Variants in BMPR2 observed in about 807,000 individuals in gnomAD.
BMPR2 encodes the protein bone morphogenetic protein receptor type-2.
In BMPR2, 29 loss-of-function variants were observed where a neutral mutation model predicts 100.8. The observed-to-expected ratio is 0.29, with a 90% CI of 0.21 to 0.39. The LOEUF is 0.39. BMPR2 is among the 10% of genes least tolerant of loss of function. The pLI is 1.00. For missense variants in BMPR2, 1,011 were observed against 1,274.5 expected (o/e 0.79, Z 3.15); for synonymous variants, 382 against 442.3 (o/e 0.86, Z 1.71).
intron 12 of BMPR2, among the ~76,000 whole-genome samples, chr2:202,557,745 G>T (rs925634954): frequency 6.6e-6 from 1 of 152,074 alleles, no homozygotes; most frequent in African/African-American, 2.4e-5. Flanking sequence ...TAATATTTTT[G>T]TCATTGATAA....
chr2:202,380,911 G>GCCTGGC lies in BMPR2; in HGVS notation c.76+3397_76+3402dup, dbSNP rs57602681. On this transcript the variant is annotated intron_variant, in intron 1 of 12. Transcript: ENST00000374580. Reference sequence around the variant, plus strand: ...TGGGATTATAGGTGTGGGCCACTGTGCCTGGCCCTGGCCCTGGCCCTGGCC... The same window carrying GCCTGGC: ...TGGGATTATAGGTGTGGGCCACTGTGCCTGGCCCTGGCCCTGGCCCTGGCCCTGGCC... 6.9e-3 allele frequency among the ~76,000 whole-genome samples: 970 copies of GCCTGGC among 140,836 alleles called. 13 individuals carry two copies. Among genetic ancestry groups the GCCTGGC allele is most frequent in the African/African-American group, 0.019 (691 of 36,924 alleles). 92.4% of individuals were successfully genotyped at this position (140,836 alleles called of 152,430 possible). A position where few individuals can be genotyped will look rare whatever the true frequency, so the allele number is the denominator to read the frequency against.
rs1357048798 is a variant in BMPR2 at position 202,458,159 on chromosome 2, T to A, written c.77-6650T>A. On this transcript the variant is annotated intron_variant, in intron 1 of 12. Coordinates refer to ENST00000374580, the MANE Select transcript of BMPR2 (RefSeq NM_001204.7). ...TGCCATATATATAATATTTAAAAAA[T>A]TTTTGAGCCAGGTACTGTGGCTCAC... 3.3e-5 allele frequency among the ~76,000 whole-genome samples: 5 copies of A among 151,572 alleles called. No homozygotes were observed. In the South Asian group the frequency reaches 6.2e-4, roughly 19 times the overall value.
At chr2:202,381,501 C>T (rs1463306826) in intron 1 of BMPR2, among the ~76,000 whole-genome samples, 1 of 152,202 alleles carries the variant, frequency 6.6e-6, no homozygotes, top group Admixed American at 6.5e-5. Context: ...AGACTCTGCT[C>T]TCCTAACATC....
intron 7 of BMPR2, among the ~76,000 whole-genome samples, chr2:202,521,462 G>A (rs1232714595): frequency 1.3e-5 from 2 of 152,058 alleles, no homozygotes; most frequent in Non-Finnish European, 2.9e-5. Context: ...AGCTACTTGG[G>A]AGGCTGAGCT....
chr2:202,429,346 TTCC>T (rs971985825), intron 1 of BMPR2, among the ~76,000 whole-genome samples: 2 of 5,610 alleles, frequency 3.6e-4, no homozygotes, highest in South Asian at 0.1. Context: ...TCAGCATCAT[TTCC>T]TACTACTACT....
chr2:202,379,454 A>G (rs1186038189), intron 1 of BMPR2, among the ~76,000 whole-genome samples: 1 of 152,218 alleles, frequency 6.6e-6, no homozygotes, highest in Non-Finnish European at 1.5e-5. Context: ...ACAACTTCTC[A>G]TCTTATTGGA....
At chr2:202,399,667 T>G (rs778313096) in intron 1 of BMPR2, among the ~76,000 whole-genome samples, 9 of 152,218 alleles carry the variant, frequency 5.9e-5, no homozygotes, top group Non-Finnish European at 8.8e-5. Flanking sequence ...ACAAGAAGAC[T>G]GGTTAGGCAG....
At chr2:202,377,670 C>A in intron 1 of BMPR2, 120 bp downstream of exon 1, 1 of 1,206,190 alleles carries the variant, frequency 8.3e-7, no homozygotes, top group South Asian at 1.3e-5. Flanking sequence ...CGCGGTGCAG[C>A]GGAGCTGCGA....
At position 202,487,964 on chromosome 2, in the gene BMPR2, C is replaced by T. The variant is rs145538354; in HGVS notation, c.418+20275C>T. Among the ~76,000 whole-genome samples, 291 of 152,310 alleles carry T rather than the reference C, an allele frequency of 1.9e-3. 2 individuals are homozygous for T. Among genetic ancestry groups the T allele is most frequent in the African/African-American group, 6.2e-3 (256 of 41,562 alleles). On this transcript the variant is annotated intron_variant, in intron 3 of 12. Transcript: ENST00000374580. Reference sequence around the variant, plus strand: ...ACCTCAGGTGATTAGCATGCCTCACCCTTCCAAAGTGCTGGGATTGCAGGC... The same window carrying T: ...ACCTCAGGTGATTAGCATGCCTCACTCTTCCAAAGTGCTGGGATTGCAGGC...
At position 202,528,508 on chromosome 2, in the gene BMPR2, TGAAA is replaced by T. The variant is rs1450792205; in HGVS notation, c.968-2277_968-2274del. 8.5e-5 allele frequency among the ~76,000 whole-genome samples: 13 copies of T among 152,190 alleles called. No homozygotes were observed. The East Asian group carries it at 1.2e-3, about 14-fold the overall frequency. On this transcript the variant is annotated intron_variant, in intron 7 of 12. Transcript: ENST00000374580. Reference sequence around the variant, plus strand: ...GGCCAGAGACCCTGTTTTAAAAAAATGAAAGAAAGAAAAGAAAAAAGATCATAAG... The same window carrying T: ...GGCCAGAGACCCTGTTTTAAAAAAATGAAAGAAAAGAAAAAAGATCATAAG...
At position 202,467,120 on chromosome 2, in the gene BMPR2, C is replaced by T. The variant is rs552343341; in HGVS notation, c.248-399C>T. 1.8e-5 allele frequency: 5 copies of T among 277,410 alleles called. No homozygotes were observed. The East Asian group carries it at 4.1e-4, about 23-fold the overall frequency. The allele number at this position is 277,410 out of a possible 1,614,324, so 17.2% of individuals were successfully genotyped here. ...TACTAAAAATACAAAATTAGCCGGG[C>T]ATGGTGGTGGCACATGCCTGTAATC... On this transcript the variant is annotated intron_variant, in intron 2 of 12. Coordinates refer to ENST00000374580, the MANE Select transcript of BMPR2 (RefSeq NM_001204.7).
intron 1 of BMPR2, 40 bp downstream of exon 1, chr2:202,377,590 G>C (rs1286442470): frequency 6.2e-7 from 1 of 1,610,280 alleles, no homozygotes; most frequent in African/African-American, 1.3e-5. Context: ...CACTGCCCCT[G>C]CGGGTGGCGA....
chr2:202,433,399 C>A (rs1304808270), intron 1 of BMPR2, among the ~76,000 whole-genome samples: 1 of 150,604 alleles, frequency 6.6e-6, no homozygotes, highest in Non-Finnish European at 1.5e-5. Flanking sequence ...TGAACAGGAT[C>A]TAGTTTGAGG....
At chr2:202,489,126 C>G (rs926536287) in intron 3 of BMPR2, among the ~76,000 whole-genome samples, 1 of 151,946 alleles carries the variant, frequency 6.6e-6, no homozygotes, top group South Asian at 2.1e-4. Context: ...CTCAGCCTCC[C>G]GAGTAGCTGG....
At chr2:202,470,708 G>A (rs1472160357) in intron 3 of BMPR2, among the ~76,000 whole-genome samples, 1 of 150,264 alleles carries the variant, frequency 6.7e-6, no homozygotes, top group East Asian at 2.0e-4. Context: ...AGCTTGCAGT[G>A]AGCCGAGATT....
chr2:202,520,056 T>TA, intron 6 of BMPR2, 31 bp from the exon 7 acceptor site: 1 of 1,445,558 alleles, frequency 6.9e-7, no homozygotes, highest in Non-Finnish European at 9.7e-7. Flanking sequence ...ATTCTACCTT[T>TA]TTTTTTTTTC....
chr2:202,399,301 A>G (rs1303524479), intron 1 of BMPR2, among the ~76,000 whole-genome samples: 1 of 152,224 alleles, frequency 6.6e-6, no homozygotes, highest in East Asian at 1.9e-4. Flanking sequence ...AGGAATAATC[A>G]GCCAGATATG....
intron 1 of BMPR2, among the ~76,000 whole-genome samples, chr2:202,420,003 T>C (rs910408327): frequency 1.3e-5 from 2 of 152,024 alleles, no homozygotes; most frequent in Admixed American, 1.3e-4. Flanking sequence ...ATTTTAAAAA[T>C]TATATTAAAA....
intron 7 of BMPR2, among the ~76,000 whole-genome samples, chr2:202,525,851 G>A (rs890628189): frequency 2.8e-5 from 4 of 141,378 alleles, no homozygotes; most frequent in East Asian, 2.2e-4. Context: ...TAGTTGTTCA[G>A]AGCATCTTTT....
Sources: gnomAD v4.1 joint callset for allele counts (sites outside exome capture counted in the v4.1 genomes callset) on GRCh38, gnomAD v4.1.1 for gene constraint, MANE v1.5 for transcripts, NCBI Gene and HGNC (gene_info 2026-07-23, HGNC 2026-07-21) for gene names.